The following CCDC30 variants were observed in gnomAD, a reference collection of about 807,000 sequenced individuals.
CCDC30 encodes coiled-coil domain containing 30.
Under a neutral mutation model 100.2 loss-of-function variants are expected in CCDC30, and 70 were observed. The ratio of observed to expected loss-of-function variants is 0.70; its 90% CI spans 0.58 to 0.85. The LOEUF is 0.85. Among genes scored for constraint, CCDC30 ranks in the 40% least tolerant of loss-of-function variants. The probability of loss-of-function intolerance (pLI) is 0.00; values close to 1 mark genes in which losing one functional copy is unlikely to be tolerated. For synonymous variants in CCDC30, 233 were observed against 269.5 expected, an observed-to-expected ratio of 0.86 and a Z score of 1.33; for missense variants, 652 against 771.2, an observed-to-expected ratio of 0.85 and a Z score of 1.83.
At chr1:42,513,827 A>G (rs1360877718) in intron 6 of CCDC30, among the ~76,000 whole-genome samples, 1 of 152,216 alleles carries the variant, frequency 6.6e-6, no homozygotes, top group East Asian at 1.9e-4. Context: ...AAGCTGTACA[A>G]GAAGCATAAT....
chr1:42,589,544 T>C lies in CCDC30; in HGVS notation c.1164+61T>C, dbSNP rs1468910171. 3 of 1,421,226 alleles carry C rather than the reference T, an allele frequency of 2.1e-6. No homozygotes were observed. The African/African-American group carries it at 4.3e-5, about 20-fold the overall frequency. The allele number at this position is 1,421,226 out of a possible 1,614,324, so 88.0% of individuals were successfully genotyped here. On this transcript the variant is annotated intron_variant, in intron 10 of 16. Coordinates refer to ENST00000668663, the Ensembl canonical transcript of CCDC30. ...TATTCCCATTAGTAACAGCTAATTA[T>C]TATTGAGTGCCTAGCACTTTACTAA...
At chr1:42,609,274 C>A (rs2148638666) in intron 10 of CCDC30, among the ~76,000 whole-genome samples, 1 of 152,284 alleles carries the variant, frequency 6.6e-6, no homozygotes, top group Non-Finnish European at 1.5e-5. Context: ...TATATTTTCT[C>A]TACCTTATCG....
intron 10 of CCDC30, among the ~76,000 whole-genome samples, chr1:42,609,399 C>G (rs1646572029): frequency 6.6e-6 from 1 of 152,140 alleles, no homozygotes; most frequent in African/African-American, 2.4e-5. Context: ...CTCTAGTTAA[C>G]AGTAGGCTAT....
chr1:42,584,427 C>T (rs1170395829), intron 9 of CCDC30, among the ~76,000 whole-genome samples: 1 of 151,946 alleles, frequency 6.6e-6, no homozygotes, highest in Non-Finnish European at 1.5e-5. Flanking sequence ...CCCATCTTTA[C>T]TTAAAAATAC....
At chr1:42,583,184 G>A (rs1271281559) in intron 9 of CCDC30, among the ~76,000 whole-genome samples, 1 of 151,770 alleles carries the variant, frequency 6.6e-6, no homozygotes, top group Non-Finnish European at 1.5e-5. Context: ...GATTTCTTTG[G>A]GCTGTTGTCT....
At chr1:42,630,078 G>A (rs968943620) in intron 11 of CCDC30, among the ~76,000 whole-genome samples, 8 of 145,516 alleles carry the variant, frequency 5.5e-5, no homozygotes, top group East Asian at 2.1e-4. Context: ...GGGTTCAAGC[G>A]ATTCTCCTGC....
intron 6 of CCDC30, among the ~76,000 whole-genome samples, chr1:42,512,039 A>T (rs1247802334): frequency 6.6e-6 from 1 of 152,260 alleles, no homozygotes; most frequent in Non-Finnish European, 1.5e-5. Context: ...ATTAACTAAA[A>T]GTATTCCTTA....
intron 6 of CCDC30, among the ~76,000 whole-genome samples, chr1:42,504,282 C>CG (rs1644364850): frequency 6.6e-6 from 1 of 152,148 alleles, no homozygotes; most frequent in Non-Finnish European, 1.5e-5. Flanking sequence ...CCAGCGTGGG[C>CG]ATTATGGCCA....
intron 2 of CCDC30, 50 bp from the exon 3 acceptor site, chr1:42,482,613 T>C: frequency 8.9e-7 from 1 of 1,122,644 alleles, no homozygotes; most frequent in East Asian, 3.2e-5. Context: ...CAAAATGTCA[T>C]GAGAGTACAT....
chr1:42,505,155 A>G (rs1644375842), intron 6 of CCDC30, among the ~76,000 whole-genome samples: 1 of 152,200 alleles, frequency 6.6e-6, no homozygotes, highest in African/African-American at 2.4e-5. Context: ...TTTAGTTGCC[A>G]AGATATAGAA....
At chr1:42,589,736 T>G in intron 10 of CCDC30, 2 of 281,986 alleles carry the variant, frequency 7.1e-6, no homozygotes, top group South Asian at 2.3e-4. Flanking sequence ...AATCCAGAAG[T>G]TCAGAAATCA....
intron 13 of CCDC30, among the ~76,000 whole-genome samples, chr1:42,644,294 C>T (rs920136619): frequency 1.3e-5 from 2 of 152,138 alleles, no homozygotes; most frequent in Non-Finnish European, 2.9e-5. Context: ...AAGCATCCAG[C>T]ATGGGAGAAA....
At chr1:42,567,375 A>T (rs1448326504) in intron 7 of CCDC30, among the ~76,000 whole-genome samples, 1 of 152,232 alleles carries the variant, frequency 6.6e-6, no homozygotes, top group Non-Finnish European at 1.5e-5. Flanking sequence ...GCCCTTTATG[A>T]GAAAAGTTTG....
the CCDC30 span, chr1:42,457,394 A>G: frequency 1.0e-5 from 16 of 1,534,858 alleles, no homozygotes; most frequent in Admixed American, 1.7e-5. Flanking sequence ...CATATAACCA[A>G]TCTTGGGTTA....
At chr1:42,547,848 G>C (rs1645175551) in intron 6 of CCDC30, among the ~76,000 whole-genome samples, 1 of 152,142 alleles carries the variant, frequency 6.6e-6, no homozygotes, top group Non-Finnish European at 1.5e-5. Context: ...TGTAAAATAA[G>C]ACACAGTTTC....
At chr1:42,554,804 C>T (rs1325049517) in intron 6 of CCDC30, among the ~76,000 whole-genome samples, 1 of 152,088 alleles carries the variant, frequency 6.6e-6, no homozygotes, top group Non-Finnish European at 1.5e-5. Context: ...ACCTCCTCTG[C>T]TTGTTCCTTA....
chr1:42,619,559 G>T (rs1183691125), intron 11 of CCDC30, among the ~76,000 whole-genome samples: 1 of 152,154 alleles, frequency 6.6e-6, no homozygotes, highest in Non-Finnish European at 1.5e-5. Flanking sequence ...TTAGATCATG[G>T]CAAAACAGGT....
intron 12 of CCDC30, among the ~76,000 whole-genome samples, chr1:42,640,253 G>C (rs1182540857): frequency 6.6e-6 from 1 of 152,168 alleles, no homozygotes; most frequent in Non-Finnish European, 1.5e-5. Context: ...TGAGTCAATT[G>C]AGACTTCTGT....
At chr1:42,649,005 T>C (rs1648116080) in intron 15 of CCDC30, among the ~76,000 whole-genome samples, 1 of 151,784 alleles carries the variant, frequency 6.6e-6, no homozygotes, top group Admixed American at 6.6e-5. Context: ...CATGAAGAAA[T>C]AGAAAACTTC....
Sources: gnomAD v4.1 joint callset for allele counts (sites outside exome capture counted in the v4.1 genomes callset) on GRCh38, gnomAD v4.1.1 for gene constraint, MANE v1.5 for transcripts, NCBI Gene and HGNC (gene_info 2026-07-23, HGNC 2026-07-21) for gene names.